The following ADAMTS17 variants were observed in gnomAD, a reference collection of about 807,000 sequenced individuals.
ADAMTS17 encodes the protein A disintegrin and metalloproteinase with thrombospondin motifs 17.
ADAMTS17 carries 113 observed loss-of-function variants against 141.5 expected under a neutral mutation model. That is an observed-to-expected ratio of 0.80 (90% confidence interval 0.69 to 0.93). ADAMTS17 has a LOEUF of 0.93. Ranked by LOEUF, ADAMTS17 falls within the 40% of genes least tolerant of loss-of-function variation. The pLI is 0.00. For missense variants in ADAMTS17, 1,659 were observed against 1,517.9 expected, an observed-to-expected ratio of 1.09 and a Z score of -1.54; for synonymous variants, 768 against 630.6, an observed-to-expected ratio of 1.22 and a Z score of -3.27.
At chr15:100,251,043 A>T (rs1322358136) in intron 7 of ADAMTS17, among the ~76,000 whole-genome samples, 2 of 152,172 alleles carry the variant, frequency 1.3e-5, no homozygotes, top group Admixed American at 1.3e-4. Flanking sequence ...ACGTTAAGAG[A>T]AACATATACT....
At chr15:100,062,113 A>G (rs193214320) in intron 15 of ADAMTS17, among the ~76,000 whole-genome samples, 59 of 129,806 alleles carry the variant, frequency 4.5e-4, no homozygotes, top group African/African-American at 1.6e-3. Flanking sequence ...CTATTTGCAG[A>G]GTGACAGCTG....
At chr15:99,988,063 G>T (rs113995303) in intron 20 of ADAMTS17, among the ~76,000 whole-genome samples, 1 of 151,988 alleles carries the variant, frequency 6.6e-6, no homozygotes, top group African/African-American at 2.4e-5. Context: ...CTCTGGCTGG[G>T]GGCCCTTGCT....
intron 18 of ADAMTS17, among the ~76,000 whole-genome samples, chr15:100,012,961 T>C (rs7173807): frequency 0.61 from 92,105 of 152,060 alleles, 29,974 homozygotes; most frequent in Non-Finnish European, 0.75. Flanking sequence ...ATTGAATTTG[T>C]AGATTGCTTT....
At chr15:100,025,565 C>G (rs1046276253) in intron 18 of ADAMTS17, among the ~76,000 whole-genome samples, 2 of 152,132 alleles carry the variant, frequency 1.3e-5, no homozygotes, top group Admixed American at 1.3e-4. Context: ...GCACTCGCCA[C>G]CACGCCCAGC....
At chr15:100,228,625 A>C (rs551519290) in intron 7 of ADAMTS17, among the ~76,000 whole-genome samples, 2 of 152,324 alleles carry the variant, frequency 1.3e-5, no homozygotes, top group South Asian at 2.1e-4. Context: ...ACCACGAGAG[A>C]GCGCTGAACA....
chr15:100,070,841 G>T (rs113595007), intron 15 of ADAMTS17, among the ~76,000 whole-genome samples: 6,302 of 149,434 alleles, frequency 0.042, 737 homozygotes, highest in African/African-American at 0.15. Context: ...AACTAGAGAA[G>T]CAAGAGCAAA....
chr15:99,977,630 G>A (rs1466248314), intron 20 of ADAMTS17, among the ~76,000 whole-genome samples: 2 of 151,100 alleles, frequency 1.3e-5, no homozygotes, highest in African/African-American at 4.9e-5. Flanking sequence ...TGGCCAGACT[G>A]GTCTTGAACT....
chr15:100,209,286 G>A (rs530787603), intron 7 of ADAMTS17, among the ~76,000 whole-genome samples: 1 of 152,164 alleles, frequency 6.6e-6, no homozygotes, highest in Non-Finnish European at 1.5e-5. Context: ...CGTTGTTCTA[G>A]ACACCTCTCG....
chr15:100,115,082 G>A (rs1405292890), intron 13 of ADAMTS17, among the ~76,000 whole-genome samples: 3 of 152,214 alleles, frequency 2.0e-5, no homozygotes, highest in Non-Finnish European at 4.4e-5. Flanking sequence ...GTGGGAGTGG[G>A]CAGTAAAGAG....
At chr15:100,073,408 A>G (rs2141747250) in intron 15 of ADAMTS17, among the ~76,000 whole-genome samples, 1 of 152,288 alleles carries the variant, frequency 6.6e-6, no homozygotes, top group East Asian at 1.9e-4. Flanking sequence ...CCATCCCATT[A>G]CTGGGTGTAT....
At chr15:100,337,286 T>C (rs2046235727) in intron 2 of ADAMTS17, among the ~76,000 whole-genome samples, 1 of 152,248 alleles carries the variant, frequency 6.6e-6, no homozygotes, top group African/African-American at 2.4e-5. Flanking sequence ...GAATGTCCCA[T>C]GTGCCACAAA....
chr15:99,976,657 G>A (rs772145804), intron 20 of ADAMTS17: 7 of 285,906 alleles, frequency 2.4e-5, no homozygotes, highest in Non-Finnish European at 4.8e-5. Context: ...GCTGGGAATA[G>A]TGTGAGAAGG....
intron 2 of ADAMTS17, among the ~76,000 whole-genome samples, chr15:100,336,338 G>C (rs2046207669): frequency 6.6e-6 from 1 of 152,166 alleles, no homozygotes; most frequent in Non-Finnish European, 1.5e-5. Flanking sequence ...AAGCCACCAT[G>C]AGGCCACAGG....
At chr15:100,223,493 G>A (rs2042198576) in intron 7 of ADAMTS17, among the ~76,000 whole-genome samples, 1 of 152,042 alleles carries the variant, frequency 6.6e-6, no homozygotes, top group South Asian at 2.1e-4. Flanking sequence ...CATCTCACGG[G>A]GGCAGAAGCT....
intron 10 of ADAMTS17, among the ~76,000 whole-genome samples, chr15:100,150,004 T>C (rs2039088108): frequency 6.6e-6 from 1 of 152,092 alleles, no homozygotes; most frequent in Non-Finnish European, 1.5e-5. Flanking sequence ...ATTCCATCAC[T>C]CCCCTAAGAA....
intron 4 of ADAMTS17, among the ~76,000 whole-genome samples, chr15:100,266,501 C>A (rs2043721582): frequency 6.6e-6 from 1 of 152,180 alleles, no homozygotes; most frequent in Admixed American, 6.5e-5. Flanking sequence ...AACTGGAGCC[C>A]ATCCCTCTTC....
intron 9 of ADAMTS17, among the ~76,000 whole-genome samples, chr15:100,154,328 A>G (rs1019246748): frequency 2.0e-5 from 3 of 152,234 alleles, no homozygotes; most frequent in African/African-American, 7.2e-5. Flanking sequence ...TAATGAGTGC[A>G]TTGTTAAGCT....
chr15:100,152,473 T>C lies in ADAMTS17; in HGVS notation c.1473+139A>G, dbSNP rs903719279. On this transcript the variant is annotated intron_variant, in intron 10 of 21. Transcript: ENST00000268070. ...CTCTGTATGCAAACGTGTGTGTGCA[T>C]ATACATGTATACCTGTGCTTGTGTG... The C allele has an allele frequency of 2.6e-5, 29 of 1,128,734 alleles. No homozygotes were observed. In the Admixed American group the frequency reaches 2.7e-4, roughly 10 times the overall value. 69.9% of individuals were successfully genotyped at this position (1,128,734 alleles called of 1,614,324 possible).
chr15:100,202,862 C>A (rs1471621644), intron 7 of ADAMTS17, among the ~76,000 whole-genome samples: 1 of 152,214 alleles, frequency 6.6e-6, no homozygotes, highest in Non-Finnish European at 1.5e-5. Flanking sequence ...CACTGTGGAA[C>A]CTTCTGAGTT....
Sources: allele counts gnomAD v4.1 joint callset (sites outside exome capture counted in the v4.1 genomes callset), GRCh38; gene constraint gnomAD v4.1.1; transcripts MANE v1.5; gene names NCBI Gene and HGNC (gene_info 2026-07-23, HGNC 2026-07-21).